CDK6: variants seen among roughly 807,000 people sequenced by gnomAD.
CDK6 encodes the protein cyclin dependent kinase 6.
Under a neutral mutation model 37.1 loss-of-function variants are expected in CDK6, and 6 were observed. The ratio of observed to expected loss-of-function variants is 0.16; its 90% CI spans 0.09 to 0.32. The LOEUF (loss-of-function observed/expected upper bound fraction) is 0.32. Among genes scored for constraint, CDK6 ranks in the 10% least tolerant of loss-of-function variants. The pLI is 1.00. For missense variants in CDK6, 224 were observed against 418.9 expected (o/e 0.53, Z 4.06); for synonymous variants, 160 against 161.3 (o/e 0.99, Z 0.06).
At chr7:92,750,967 T>C (rs1799174572) in intron 3 of CDK6, among the ~76,000 whole-genome samples, 1 of 152,204 alleles carries the variant, frequency 6.6e-6, no homozygotes, top group South Asian at 2.1e-4. Context: ...ACACGATTTA[T>C]TTCCTGTACA....
chr7:92,709,899 T>A (rs1168698393), intron 4 of CDK6, among the ~76,000 whole-genome samples: 6 of 152,220 alleles, frequency 3.9e-5, no homozygotes, highest in Non-Finnish European at 1.5e-5. Flanking sequence ...TCATTCTTAG[T>A]CTAATCAACA....
intron 5 of CDK6, among the ~76,000 whole-genome samples, chr7:92,636,964 C>T (rs778842192): frequency 1.4e-4 from 21 of 152,164 alleles, no homozygotes; most frequent in South Asian, 4.1e-4. Flanking sequence ...CTGCGCCCAG[C>T]CCGATTGTAT....
chr7:92,672,994 T>C (rs1797125130), intron 4 of CDK6, among the ~76,000 whole-genome samples: 1 of 152,212 alleles, frequency 6.6e-6, no homozygotes, highest in African/African-American at 2.4e-5. Context: ...CTACAGAATA[T>C]GGTAGACGTA....
intron 2 of CDK6, among the ~76,000 whole-genome samples, chr7:92,799,790 C>T (rs1248422377): frequency 6.6e-6 from 1 of 152,140 alleles, no homozygotes; most frequent in Admixed American, 6.5e-5. Flanking sequence ...GATTTCTATA[C>T]ATCTCCTTTA....
At chr7:92,638,470 T>C (rs1174018839) in intron 5 of CDK6, among the ~76,000 whole-genome samples, 2 of 152,180 alleles carry the variant, frequency 1.3e-5, no homozygotes, top group Admixed American at 1.3e-4. Flanking sequence ...AATGCCCAGA[T>C]AGAAGGATGC....
chr7:92,694,738 C>T (rs1797670423), intron 4 of CDK6, among the ~76,000 whole-genome samples: 1 of 152,128 alleles, frequency 6.6e-6, no homozygotes, highest in Non-Finnish European at 1.5e-5. Context: ...AGTGATTGCG[C>T]TTCATTAGGT....
At chr7:92,773,703 C>T (rs559462079) in intron 3 of CDK6, among the ~76,000 whole-genome samples, 1 of 152,218 alleles carries the variant, frequency 6.6e-6, no homozygotes, top group East Asian at 1.9e-4. Flanking sequence ...GGAAAAAATA[C>T]AATATTAATC....
chr7:92,816,142 C>A (rs779502743), intron 2 of CDK6, among the ~76,000 whole-genome samples: 21 of 152,288 alleles, frequency 1.4e-4, no homozygotes, highest in Non-Finnish European at 2.9e-4. Context: ...TTGACAATGT[C>A]ATAGTCACAA....
At position 92,668,672 on chromosome 7, in the gene CDK6, T is replaced by G. The variant is rs75480443; in HGVS notation, c.647+2754A>C. 4.5e-3 allele frequency among the ~76,000 whole-genome samples: 685 copies of G among 152,308 alleles called. 2 individuals carry two copies. Among genetic ancestry groups the G allele is most frequent in the African/African-American group, 0.016 (655 of 41,566 alleles). On this transcript the variant is annotated intron_variant, in intron 5 of 7. Coordinates refer to ENST00000424848, the MANE Select transcript of CDK6 (RefSeq NM_001145306.2). ...TGAATGAGTCTGCTTTAAGAGCCTA[T>G]GGCTTGTGAAGTCTCAACTGGGTCA...
intron 6 of CDK6, 69 bp downstream of exon 6, chr7:92,622,967 G>A: frequency 1.1e-6 from 1 of 934,386 alleles, no homozygotes; most frequent in Non-Finnish European, 1.7e-6. Context: ...TGATATGCAT[G>A]TCAGAGGAAA....
rs1030115066 is a variant in CDK6 at position 92,806,097 on chromosome 7, CAT to C, written c.233+26992_233+26993del. Among the ~76,000 whole-genome samples, 74 of 152,256 alleles carry C rather than the reference CAT, an allele frequency of 4.9e-4. 1 individual carries two copies. The highest frequency in any genetic ancestry group is 3.1e-3 in the East Asian group (16 of 5,192). On this transcript the variant is annotated intron_variant, in intron 2 of 7. Transcript: ENST00000424848. The stretch of plus-strand genomic sequence containing the variant: ...AATTGTATGTTATGTTTATTGACCA[CAT>C]ATGTTATGTATATTACCTTTATTTA...
At chr7:92,672,134 CATATATATATATAT>C (rs372523914) in intron 4 of CDK6, among the ~76,000 whole-genome samples, 3 of 65,408 alleles carry the variant, frequency 4.6e-5, no homozygotes, top group African/African-American at 1.4e-4. Flanking sequence ...AAAAGCTGTA[CATATATATATATAT>C]ATATATATAT....
Position 92,835,622 on chromosome 7 carries a change from GCTCT to G in CDK6, c.-368+852_-368+855del, listed in dbSNP as rs995907719. ...CCGCCTCCTTCTGCTTTCTGTCTCT[GCTCT>G]CTGTCTTCACACTCAATGAAATCCT... is the stretch of plus-strand genomic sequence containing the variant. On this transcript the variant is annotated intron_variant, in intron 1 of 7. Transcript: ENST00000424848. The surrounding 1 kb of genome is among the most constrained non-coding windows in gnomAD (Gnocchi z 4.2). 7.2e-5 allele frequency among the ~76,000 whole-genome samples: 11 copies of G among 152,154 alleles called. No homozygotes were observed. The highest frequency in any genetic ancestry group is 1.2e-4 in the African/African-American group (5 of 41,452).
rs1372159718 is a variant in CDK6, at chr7:92,690,034, GCA to G, written c.538-18501_538-18500del. On this transcript the variant is annotated intron_variant, in intron 4 of 7. Coordinates refer to ENST00000424848, the MANE Select transcript of CDK6 (RefSeq NM_001145306.2). ...GCTCCATATTAGACCTTTGTTGGATGCACAGTTTGCAAAAATTTTCTCCCATT... is the reference window on the plus strand; with the variant it reads ...GCTCCATATTAGACCTTTGTTGGATGCAGTTTGCAAAAATTTTCTCCCATT... Among the ~76,000 whole-genome samples, 5 of 152,048 alleles carry G rather than the reference GCA, an allele frequency of 3.3e-5. No individual in the cohort carries two copies. The East Asian group carries it at 9.7e-4, about 29-fold the overall frequency.
chr7:92,746,060 C>T (rs1004608635), intron 3 of CDK6, among the ~76,000 whole-genome samples: 2 of 152,124 alleles, frequency 1.3e-5, no homozygotes, highest in Non-Finnish European at 2.9e-5. Flanking sequence ...GGCTTTCCCC[C>T]AACTCAACAC....
At chr7:92,802,990 C>T (rs975278656) in intron 2 of CDK6, among the ~76,000 whole-genome samples, 2 of 152,184 alleles carry the variant, frequency 1.3e-5, no homozygotes, top group Non-Finnish European at 1.5e-5. Context: ...AGGGCCAATT[C>T]GTCATTCTGC....
chr7:92,689,729 G>T (rs535004555), intron 4 of CDK6, among the ~76,000 whole-genome samples: 1 of 152,274 alleles, frequency 6.6e-6, no homozygotes, highest in East Asian at 1.9e-4. Flanking sequence ...TACAAAGGCT[G>T]AACTAATTTA....
At position 92,702,185 on chromosome 7, in the gene CDK6, T is replaced by C. The variant is rs117743635; in HGVS notation, c.537+23441A>G. On this transcript the variant is annotated intron_variant, in intron 4 of 7. Transcript: ENST00000424848. ...ATAGAAGAAAAATTGCATGGTTATT[T>C]CTATCATTAAATATGTTGCATTATC... Among the ~76,000 whole-genome samples, 573 of 151,326 alleles carry C rather than the reference T, an allele frequency of 3.8e-3. 3 individuals carry two copies. Among genetic ancestry groups the C allele is most frequent in the Non-Finnish European group, 5.4e-3 (363 of 67,792 alleles).
chr7:92,610,565 G>C lies in CDK6; in HGVS notation c.*4575C>G, dbSNP rs189045147. 63 of 228,508 alleles carry C rather than the reference G, an allele frequency of 2.8e-4. No individual in the cohort carries two copies. The East Asian group carries it at 3.8e-3, about 14-fold the overall frequency. The allele number at this position is 228,508 out of a possible 1,614,324, so 14.2% of individuals were successfully genotyped here. Reference sequence around the variant, plus strand: ...GAAAAAGTACAAGATAGAAATGCTTGAGATATAGGGATGTATTAAAATTGG... The same window carrying C: ...GAAAAAGTACAAGATAGAAATGCTTCAGATATAGGGATGTATTAAAATTGG... On this transcript the variant is annotated 3_prime_UTR_variant, in exon 8 of 8. Coordinates refer to ENST00000424848, the MANE Select transcript of CDK6 (RefSeq NM_001145306.2).
Sources: allele counts gnomAD v4.1 joint callset (sites outside exome capture counted in the v4.1 genomes callset), GRCh38; gene constraint gnomAD v4.1.1; non-coding constraint Gnocchi (gnomAD v3.1); transcripts MANE v1.5; gene names NCBI Gene and HGNC (gene_info 2026-07-23, HGNC 2026-07-21).